The following DLGAP1 variants were observed in gnomAD, a reference collection of about 807,000 sequenced individuals.
DLGAP1 encodes disks large-associated protein 1.
A neutral mutation model predicts 90.8 loss-of-function variants in DLGAP1; 11 were observed. The ratio of observed to expected loss-of-function variants is 0.12; its 90% CI spans 0.08 to 0.20. The LOEUF (loss-of-function observed/expected upper bound fraction) is 0.20, where lower values mean the gene tolerates loss of function less well. DLGAP1 is among the 10% of genes least tolerant of loss of function. The pLI is 1.00. For missense variants in DLGAP1, 1,050 were observed against 1,333.8 expected, an observed-to-expected ratio of 0.79 and a Z score of 3.31; for synonymous variants, 558 against 540.7, an observed-to-expected ratio of 1.03 and a Z score of -0.44.
intron 1 of DLGAP1, among the ~76,000 whole-genome samples, chr18:4,391,185 T>G (rs2082332768): frequency 6.6e-6 from 1 of 152,182 alleles, no homozygotes; most frequent in African/African-American, 2.4e-5. Context: ...AATCACTTTC[T>G]CAAATGCAAG....
intron 1 of DLGAP1, among the ~76,000 whole-genome samples, chr18:4,323,172 A>G (rs2080738140): frequency 6.6e-6 from 1 of 152,178 alleles, no homozygotes; most frequent in South Asian, 2.1e-4. Context: ...TTCCTATAGT[A>G]AATAGATATG....
At chr18:3,507,928 G>C (rs2050335316) in intron 11 of DLGAP1, among the ~76,000 whole-genome samples, 1 of 152,112 alleles carries the variant, frequency 6.6e-6, no homozygotes, top group African/African-American at 2.4e-5. Context: ...GTAGAGACAG[G>C]GTTTTGCCAT....
chr18:4,195,524 T>C, intron 1 of DLGAP1, among the ~76,000 whole-genome samples: 1 of 152,192 alleles, frequency 6.6e-6, no homozygotes, highest in Non-Finnish European at 1.5e-5. Flanking sequence ...TCGGGTGTTA[T>C]TGTTTTTCAC....
At chr18:4,402,356 G>T (rs1020913) in intron 1 of DLGAP1, among the ~76,000 whole-genome samples, 135,112 of 151,958 alleles carry the variant, frequency 0.89, 60,993 homozygotes, top group East Asian at 1. Context: ...AACAAAACAG[G>T]TTTGTCAGAA....
chr18:3,579,514 C>T (rs1283700098), intron 8 of DLGAP1, among the ~76,000 whole-genome samples: 2 of 152,224 alleles, frequency 1.3e-5, no homozygotes, highest in African/African-American at 2.4e-5. Context: ...CTGGCCACGC[C>T]TGGCTTTTAA....
intron 1 of DLGAP1, among the ~76,000 whole-genome samples, chr18:4,444,599 CAAAT>C (rs2083615986): frequency 6.6e-6 from 1 of 151,994 alleles, no homozygotes; most frequent in Admixed American, 6.6e-5. Flanking sequence ...TCAGTGTCAT[CAAAT>C]GAATGATAAA....
At chr18:3,902,270 A>G (rs1487248843) in intron 3 of DLGAP1, among the ~76,000 whole-genome samples, 3 of 152,138 alleles carry the variant, frequency 2.0e-5, no homozygotes, top group African/African-American at 7.2e-5. Flanking sequence ...TTCTTTTTTT[A>G]AGGTTAATTT....
At chr18:4,062,161 T>C (rs1568375624) in intron 2 of DLGAP1, among the ~76,000 whole-genome samples, 1 of 152,210 alleles carries the variant, frequency 6.6e-6, no homozygotes, top group Non-Finnish European at 1.5e-5. Flanking sequence ...ACCTGAGTAC[T>C]CCAAAATTTG....
chr18:4,153,667 C>T (rs534570769), intron 1 of DLGAP1, among the ~76,000 whole-genome samples: 48 of 152,274 alleles, frequency 3.2e-4, no homozygotes, highest in Non-Finnish European at 6.3e-4. Context: ...ACAATTTACA[C>T]AGATGAAAGG....
At chr18:4,077,158 C>T (rs1044374082) in intron 2 of DLGAP1, among the ~76,000 whole-genome samples, 1 of 152,094 alleles carries the variant, frequency 6.6e-6, no homozygotes, top group Non-Finnish European at 1.5e-5. Context: ...CATCTAAATG[C>T]ATAGTTAATA....
At chr18:3,547,044 G>A (rs910471775) in intron 9 of DLGAP1, among the ~76,000 whole-genome samples, 1 of 151,982 alleles carries the variant, frequency 6.6e-6, no homozygotes, top group African/African-American at 2.4e-5. Flanking sequence ...GCTCACGCCT[G>A]TAATCCCAGC....
At chr18:3,703,617 A>G (rs144844657) in intron 7 of DLGAP1, among the ~76,000 whole-genome samples, 120 of 152,298 alleles carry the variant, frequency 7.9e-4, no homozygotes, top group African/African-American at 2.8e-3. Context: ...AGTTCACTAG[A>G]TATGGACACA....
chr18:4,280,722 C>T (rs745489379), intron 1 of DLGAP1: 1 of 152,140 alleles, frequency 6.6e-6, no homozygotes, highest in Non-Finnish European at 1.5e-5. Context: ...CTTTTGGTTC[C>T]TTTCTAGGGA....
chr18:4,180,462 T>C (rs1331452620), intron 1 of DLGAP1, among the ~76,000 whole-genome samples: 1 of 152,160 alleles, frequency 6.6e-6, no homozygotes, highest in Non-Finnish European at 1.5e-5. Flanking sequence ...GAACTGCACA[T>C]CTTGCAAGGC....
intron 1 of DLGAP1, among the ~76,000 whole-genome samples, chr18:4,233,019 TGTTA>T (rs1324172281): frequency 6.6e-6 from 1 of 152,192 alleles, no homozygotes; most frequent in African/African-American, 2.4e-5. Context: ...CTCATGAATT[TGTTA>T]GTTTTAAAAT....
At chr18:4,404,258 GAA>G (rs2082617922) in intron 1 of DLGAP1, among the ~76,000 whole-genome samples, 1 of 152,190 alleles carries the variant, frequency 6.6e-6, no homozygotes, top group African/African-American at 2.4e-5. Context: ...CAGAGCAAGT[GAA>G]ATCTCATTTA....
intron 3 of DLGAP1, among the ~76,000 whole-genome samples, chr18:3,932,548 A>T (rs140656300): frequency 6.6e-6 from 1 of 152,248 alleles, no homozygotes; most frequent in East Asian, 1.9e-4. Context: ...TGTGCTTCCC[A>T]CGTGGCCAAA....
At chr18:4,018,753 G>C (rs117295281) in intron 2 of DLGAP1, among the ~76,000 whole-genome samples, 1 of 152,176 alleles carries the variant, frequency 6.6e-6, no homozygotes, top group African/African-American at 2.4e-5. Context: ...CAGAGCAGAA[G>C]AACTTTCAGC....
intron 3 of DLGAP1, among the ~76,000 whole-genome samples, chr18:3,998,938 C>G (rs1047688684): frequency 6.6e-6 from 1 of 152,166 alleles, no homozygotes; most frequent in Non-Finnish European, 1.5e-5. Flanking sequence ...CTGCCACCTA[C>G]TGGACAGACA....
Sources: gnomAD v4.1 joint callset for allele counts (sites outside exome capture counted in the v4.1 genomes callset) on GRCh38, gnomAD v4.1.1 for gene constraint, MANE v1.5 for transcripts, NCBI Gene and HGNC (gene_info 2026-07-23, HGNC 2026-07-21) for gene names.